The following DDX10 variants were observed in gnomAD, a reference collection of about 807,000 sequenced individuals.
DDX10 encodes DEAD-box helicase 10.
A neutral mutation model predicts 104.3 loss-of-function variants in DDX10; 74 were observed. That is an observed-to-expected ratio of 0.71 (90% CI 0.59 to 0.86). The LOEUF (loss-of-function observed/expected upper bound fraction) is 0.86. DDX10 is among the 40% of genes least tolerant of loss of function. The pLI is 0.00. For missense variants in DDX10, 952 were observed against 1,040.0 expected, an observed-to-expected ratio of 0.92 and a Z score of 1.16; for synonymous variants, 351 against 353.4, an observed-to-expected ratio of 0.99 and a Z score of 0.08.
At chr11:108,878,256 C>A (rs1863178651) in intron 16 of DDX10, among the ~76,000 whole-genome samples, 1 of 152,158 alleles carries the variant, frequency 6.6e-6, no homozygotes, top group Admixed American at 6.5e-5. Flanking sequence ...TCATGTGTTT[C>A]TCCCTGGAAG....
chr11:108,819,840 C>T (rs542251544), intron 13 of DDX10, among the ~76,000 whole-genome samples: 1 of 152,240 alleles, frequency 6.6e-6, no homozygotes, highest in Non-Finnish European at 1.5e-5. Context: ...CTCAGGTGAT[C>T]CACCCGCCTC....
intron 16 of DDX10, among the ~76,000 whole-genome samples, chr11:108,859,856 G>T (rs761866462): frequency 6.6e-6 from 1 of 152,078 alleles, no homozygotes; most frequent in Admixed American, 6.5e-5. Context: ...AGGATCATTT[G>T]CCTATATTTT....
chr11:108,672,784 G>T (rs1483128175), intron 1 of DDX10, among the ~76,000 whole-genome samples: 1 of 152,222 alleles, frequency 6.6e-6, no homozygotes, highest in African/African-American at 2.4e-5. Flanking sequence ...CAGCTGAAAT[G>T]AAATTCAGAA....
chr11:108,914,833 A>AT (rs1027266185), intron 16 of DDX10, among the ~76,000 whole-genome samples: 1 of 9,240 alleles, frequency 1.1e-4, no homozygotes, highest in African/African-American at 4.9e-4. Flanking sequence ...AATGGTAACC[A>AT]TTAAAAAAAA....
chr11:108,767,164 A>G (rs2094357405), intron 13 of DDX10: 1 of 152,184 alleles, frequency 6.6e-6, no homozygotes, highest in Non-Finnish European at 1.5e-5. Flanking sequence ...AGCTGCCAGT[A>G]AACAATTCAT....
intron 13 of DDX10, among the ~76,000 whole-genome samples, chr11:108,782,347 A>G (rs947624743): frequency 6.6e-6 from 1 of 152,172 alleles, no homozygotes; most frequent in Non-Finnish European, 1.5e-5. Flanking sequence ...ATCCTTGAAT[A>G]TCTCTGGGTA....
chr11:108,679,303 A>T (rs1415314129), intron 5 of DDX10, 68 bp from the exon 6 acceptor site: 1 of 1,292,124 alleles, frequency 7.7e-7, no homozygotes, highest in Non-Finnish European at 1.1e-6. Flanking sequence ...CCAATCCAGG[A>T]TACCCATTGC....
At chr11:108,751,676 A>G (rs185603051) in intron 13 of DDX10, among the ~76,000 whole-genome samples, 1 of 152,314 alleles carries the variant, frequency 6.6e-6, no homozygotes, top group Non-Finnish European at 1.5e-5. Flanking sequence ...CGTGTGTACA[A>G]AAGGGAAGTT....
In DDX10 at chr11:108,741,868, A is replaced by G. The variant is rs191265533; in HGVS notation, c.1965+18406A>G. ...TCAAATTAATAACCTAGTCATCACAACTAGAAAAACAAAACCAAGAGCAAA... is the reference window on the plus strand; with the variant it reads ...TCAAATTAATAACCTAGTCATCACAGCTAGAAAAACAAAACCAAGAGCAAA... On this transcript the variant is annotated intron_variant, in intron 13 of 17. Coordinates refer to ENST00000322536, the MANE Select transcript of DDX10 (RefSeq NM_004398.4). Among the ~76,000 whole-genome samples the G allele has an allele frequency of 1.7e-3, 254 of 152,276 alleles. 1 individual carries two copies. The highest frequency in any genetic ancestry group is 5.9e-3 in the African/African-American group (245 of 41,554).
At chr11:108,853,325 A>G (rs1026867442) in intron 16 of DDX10, among the ~76,000 whole-genome samples, 1 of 152,206 alleles carries the variant, frequency 6.6e-6, no homozygotes, top group African/African-American at 2.4e-5. Flanking sequence ...AAAGCATTTG[A>G]TATTTATGAA....
At chr11:108,715,407 A>G (rs185593165) in intron 10 of DDX10, among the ~76,000 whole-genome samples, 1 of 152,230 alleles carries the variant, frequency 6.6e-6, no homozygotes, top group African/African-American at 2.4e-5. Flanking sequence ...CTGTAGTCCT[A>G]GCTACTTGAG....
intron 9 of DDX10, among the ~76,000 whole-genome samples, chr11:108,702,951 A>G (rs2134458283): frequency 6.6e-6 from 1 of 152,358 alleles, no homozygotes; most frequent in Admixed American, 6.5e-5. Context: ...AATACAAAAA[A>G]TGTTTTTCAT....
In DDX10 at chr11:108,887,726, T is replaced by C. The variant is rs1015617072; in HGVS notation, c.2305-30147T>C. 7.2e-5 allele frequency among the ~76,000 whole-genome samples: 11 copies of C among 152,034 alleles called. No homozygotes were observed. The East Asian group carries it at 1.7e-3, about 24-fold the overall frequency. ...TGACAGGAGTTCCAGACCAGCCTGG[T>C]CAACATGGTGAAACCTCCTCTCTAC... On this transcript the variant is annotated intron_variant, in intron 16 of 17. Coordinates refer to ENST00000322536, the MANE Select transcript of DDX10 (RefSeq NM_004398.4).
At chr11:108,735,682 T>A (rs531642443) in intron 13 of DDX10, among the ~76,000 whole-genome samples, 8 of 151,228 alleles carry the variant, frequency 5.3e-5, no homozygotes, top group African/African-American at 1.9e-4. Context: ...TCACTGCTTT[T>A]GTTGAAATAA....
chr11:108,701,435 T>G (rs1342427862), intron 9 of DDX10, among the ~76,000 whole-genome samples: 1 of 152,138 alleles, frequency 6.6e-6, no homozygotes, highest in East Asian at 1.9e-4. Context: ...AATGTCTCCC[T>G]TTCTCCACTT....
At chr11:108,713,822 G>A (rs892829613) in intron 10 of DDX10, among the ~76,000 whole-genome samples, 2 of 152,144 alleles carry the variant, frequency 1.3e-5, no homozygotes, top group African/African-American at 4.8e-5. Flanking sequence ...GGGGCTGTGA[G>A]GAAAGCATTC....
chr11:108,716,103 T>A, intron 11 of DDX10, 137 bp downstream of exon 11: 3 of 334,206 alleles, frequency 9.0e-6, no homozygotes, highest in Middle Eastern at 9.9e-4. Context: ...GTCTAGCTTA[T>A]TTTTTTTTTT....
chr11:108,900,509 G>C (rs1029107207), intron 16 of DDX10, among the ~76,000 whole-genome samples: 1 of 152,190 alleles, frequency 6.6e-6, no homozygotes, highest in Non-Finnish European at 1.5e-5. Context: ...CTGAGTGCCT[G>C]CATTAGCCAA....
chr11:108,776,313 G>T (rs12277508), intron 13 of DDX10, among the ~76,000 whole-genome samples: 4,567 of 152,188 alleles, frequency 0.03, 228 homozygotes, highest in African/African-American at 0.1. Flanking sequence ...GTGCATTTCA[G>T]CTGTCAGCCA....
Sources: gnomAD v4.1 joint callset for allele counts (sites outside exome capture counted in the v4.1 genomes callset) on GRCh38, gnomAD v4.1.1 for gene constraint, MANE v1.5 for transcripts, NCBI Gene and HGNC (gene_info 2026-07-23, HGNC 2026-07-21) for gene names.